Variants in JHY observed in about 807,000 individuals in gnomAD.
JHY encodes the protein jhy protein homolog.
JHY carries 69 observed loss-of-function variants against 78.0 expected under a neutral mutation model. The ratio of observed to expected loss-of-function variants is 0.88; its 90% CI spans 0.73 to 1.08. The LOEUF (loss-of-function observed/expected upper bound fraction) is 1.08. JHY is among the 50% of genes least tolerant of loss of function. The probability of loss-of-function intolerance (pLI) is 0.00; values close to 1 mark genes in which losing one functional copy is unlikely to be tolerated. For missense variants in JHY, 944 were observed against 927.8 expected, an observed-to-expected ratio of 1.02 and a Z score of -0.23; for synonymous variants, 368 against 342.6, an observed-to-expected ratio of 1.07 and a Z score of -0.82.
At chr11:122,916,735 G>T (rs1452756977) in intron 3 of JHY, among the ~76,000 whole-genome samples, 1 of 152,090 alleles carries the variant, frequency 6.6e-6, no homozygotes, top group Non-Finnish European at 1.5e-5. Context: ...CACCTCCCAG[G>T]TTCAAGTAAT....
At position 122,943,211 on chromosome 11, in the gene JHY, C is replaced by G. The variant is rs138139082; in HGVS notation, c.1635-3287C>G. 5.3e-4 allele frequency among the ~76,000 whole-genome samples: 81 copies of G among 152,300 alleles called. 1 individual carries two copies. Among genetic ancestry groups the G allele is most frequent in the Admixed American group, 1.4e-3 (22 of 15,300 alleles). ...TTTTCTAATTCCATTATGATTGCCTCTTGGATGATCAGTTATTTGGAAGTA... is the reference window on the plus strand; with the variant it reads ...TTTTCTAATTCCATTATGATTGCCTGTTGGATGATCAGTTATTTGGAAGTA... On this transcript the variant is annotated intron_variant, in intron 5 of 8. Coordinates refer to ENST00000227349, the MANE Select transcript of JHY (RefSeq NM_024806.4).
At chr11:122,915,153 A>G (rs552233404) in intron 3 of JHY, among the ~76,000 whole-genome samples, 1 of 152,326 alleles carries the variant, frequency 6.6e-6, no homozygotes, top group African/African-American at 2.4e-5. Context: ...TACCTGGCAT[A>G]CCTGATAATT....
rs565988373 is a variant in JHY, at chr11:122,962,554, G to C, written c.*3109G>C. 1.3e-5 allele frequency among the ~76,000 whole-genome samples: 2 copies of C among 152,260 alleles called. No homozygotes were observed. The highest frequency in any genetic ancestry group is 2.1e-4 in the South Asian group (1 of 4,828). ...CTAAAATGTATTTATAAGAGAAGAG[G>C]CCCTTCTAGGTGCATGAAGACATTT... On this transcript the variant is annotated 3_prime_UTR_variant, in exon 9 of 9. Transcript: ENST00000227349.
chr11:122,957,146 G>A lies in JHY; in HGVS notation c.2011-217G>A, dbSNP rs539521132. ...CCCCTGTTAAGGGAATACCGGGCGT[G>A]ATATTGCAGTGATGTGCCTCCTCAC... On this transcript the variant is annotated intron_variant, in intron 7 of 8. Coordinates refer to ENST00000227349, the MANE Select transcript of JHY (RefSeq NM_024806.4). Among the ~76,000 whole-genome samples the A allele has an allele frequency of 4.6e-5, 7 of 152,312 alleles. No individual in the cohort carries two copies. In the South Asian group the frequency reaches 1.5e-3, roughly 32 times the overall value.
chr11:122,912,656 C>T (rs1863155620), intron 3 of JHY, among the ~76,000 whole-genome samples: 1 of 151,898 alleles, frequency 6.6e-6, no homozygotes, highest in African/African-American at 2.4e-5. Context: ...ACAGAAGGAT[C>T]ACTTGAGCCG....
At position 122,963,731 on chromosome 11, in the gene JHY, A is replaced by T. The variant is rs1363717073; in HGVS notation, c.*4286A>T. ...ATAATCTGCCAATTAGAAAACAAAA[A>T]ACTTCAAACTTAAGTGATGTAATGA... is the stretch of plus-strand genomic sequence containing the variant. On this transcript the variant is annotated 3_prime_UTR_variant, in exon 9 of 9. Transcript: ENST00000227349. Among the ~76,000 whole-genome samples the T allele has an allele frequency of 6.6e-6, 1 of 152,190 alleles. No individual in the cohort carries two copies. Among genetic ancestry groups the T allele is most frequent in the Non-Finnish European group, 1.5e-5 (1 of 68,012 alleles).
rs958189207 is a variant in JHY at position 122,917,838 on chromosome 11, A to C, written c.865-7059A>C. The stretch of plus-strand genomic sequence containing the variant: ...TAAGTTATATGAGATATTCCTAAAA[A>C]TCTCTTTCACATTCTTAAAAATGGC... On this transcript the variant is annotated intron_variant, in intron 3 of 8. Transcript: ENST00000227349. The surrounding 1 kb of genome is among the most constrained non-coding windows in gnomAD (Gnocchi z 4.1). Among the ~76,000 whole-genome samples the C allele has an allele frequency of 6.6e-6, 1 of 151,826 alleles. No individual in the cohort carries two copies. The highest frequency in any genetic ancestry group is 2.4e-5 in the African/African-American group (1 of 41,360).
At chr11:122,946,362 G>T in intron 5 of JHY, 136 bp from the exon 6 acceptor site, 1 of 916,140 alleles carries the variant, frequency 1.1e-6, no homozygotes, top group Non-Finnish European at 1.6e-6. Context: ...TTCATGAAAA[G>T]ATTAAGCTAA....
At chr11:122,886,648 A>G (rs921966854) in intron 2 of JHY, among the ~76,000 whole-genome samples, 3 of 152,154 alleles carry the variant, frequency 2.0e-5, no homozygotes, top group African/African-American at 7.2e-5. Context: ...GGAGCTCATT[A>G]TGTTGGCCAG....
intron 2 of JHY, among the ~76,000 whole-genome samples, chr11:122,902,446 T>C (rs994068045): frequency 6.6e-6 from 1 of 151,708 alleles, no homozygotes; most frequent in Non-Finnish European, 1.5e-5. Context: ...GCCTGAGTGA[T>C]AGAGCAAGAC....
chr11:122,918,160 C>T lies in JHY; in HGVS notation c.865-6737C>T, dbSNP rs183712203. On this transcript the variant is annotated intron_variant, in intron 3 of 8. Transcript: ENST00000227349. ...AAGTGATCTGCCTGCCTCAGCCTCC[C>T]AAACTGCTGGGATTACAGGTGTGAG... Among the ~76,000 whole-genome samples, 122 of 151,620 alleles carry T rather than the reference C, an allele frequency of 8.0e-4. 5 individuals carry two copies. The highest frequency in any genetic ancestry group is 2.6e-3 in the African/African-American group (107 of 40,944).
At chr11:122,957,555 GCT>G (rs1864218908) in intron 8 of JHY, 64 bp downstream of exon 8, 5 of 982,096 alleles carry the variant, frequency 5.1e-6, no homozygotes, top group Non-Finnish European at 6.7e-6. Flanking sequence ...TTTTATTATC[GCT>G]TTTTTTTTTT....
Position 122,959,969 on chromosome 11 carries a change from C to G in JHY, c.*524C>G, listed in dbSNP as rs1453964240. Reference sequence around the variant, plus strand: ...TAAGTTGAGGCCGGGCACAGTGGCTCACGCCTGTAATCCCAGCACTTTGGG... The same window carrying G: ...TAAGTTGAGGCCGGGCACAGTGGCTGACGCCTGTAATCCCAGCACTTTGGG... On this transcript the variant is annotated 3_prime_UTR_variant, in exon 9 of 9. Transcript: ENST00000227349. Among the ~76,000 whole-genome samples, 4 of 152,142 alleles carry G rather than the reference C, an allele frequency of 2.6e-5. No individual in the cohort carries two copies. The highest frequency in any genetic ancestry group is 5.9e-5 in the Non-Finnish European group (4 of 68,022).
intron 3 of JHY, among the ~76,000 whole-genome samples, chr11:122,909,591 C>T (rs1256887313): frequency 6.6e-6 from 1 of 152,038 alleles, no homozygotes; most frequent in African/African-American, 2.4e-5. Flanking sequence ...ACCAGTCTGG[C>T]CAACATTGTG....
intron 4 of JHY, among the ~76,000 whole-genome samples, chr11:122,934,011 A>G (rs1361195355): frequency 6.6e-6 from 1 of 152,222 alleles, no homozygotes. Flanking sequence ...ACTTGTCCTT[A>G]ATATAAAGCC....
chr11:122,906,673 A>G (rs1863001212), intron 3 of JHY, among the ~76,000 whole-genome samples: 1 of 152,246 alleles, frequency 6.6e-6, no homozygotes, highest in African/African-American at 2.4e-5. Flanking sequence ...ATAAAAGGGA[A>G]AAATATTTAT....
rs1863971500 is a variant in JHY, at chr11:122,946,713, A to G, written c.1850A>G (p.Lys617Arg). Residue 617 changes from lysine (K) to arginine (R), a missense_variant, in exon 6 of 9, where the codon AAA (lysine) becomes AGA (arginine). Transcript: ENST00000227349. ...GAGAGAAGCCAAAGAAACCAAGTGAAAATTAGCCGTAGCAATTCTGAAGGC... is the reference window on the plus strand; with the variant it reads ...GAGAGAAGCCAAAGAAACCAAGTGAGAATTAGCCGTAGCAATTCTGAAGGC... ...SSERSQRNQV[K>R]ISRSNSEGYL... 6.2e-7 allele frequency: 1 copy of G among 1,614,188 alleles called. No homozygotes were observed. The highest frequency in any genetic ancestry group is 1.3e-5 in the African/African-American group (1 of 75,062).
At chr11:122,906,721 T>C (rs1007599803) in intron 3 of JHY, among the ~76,000 whole-genome samples, 1 of 152,220 alleles carries the variant, frequency 6.6e-6, no homozygotes, top group African/African-American at 2.4e-5. Context: ...AATCGCTATT[T>C]TTGTTAGTAG....
At chr11:122,951,914 G>T (rs1864095279) in intron 6 of JHY, among the ~76,000 whole-genome samples, 1 of 152,038 alleles carries the variant, frequency 6.6e-6, no homozygotes, top group South Asian at 2.1e-4. Context: ...TCAGGGATTG[G>T]TTGAGAGCAT....
Sources: allele counts gnomAD v4.1 joint callset (sites outside exome capture counted in the v4.1 genomes callset), GRCh38; gene constraint gnomAD v4.1.1; non-coding constraint Gnocchi (gnomAD v3.1); transcripts MANE v1.5; gene names NCBI Gene and HGNC (gene_info 2026-07-23, HGNC 2026-07-21).